INTS6: variants seen among roughly 807,000 people sequenced by gnomAD.
INTS6 encodes integrator complex subunit 6, also known as DEAD box protein.
A neutral mutation model predicts 104.9 loss-of-function variants in INTS6; 16 were observed. The observed-to-expected ratio is 0.15, with a 90% confidence interval of 0.10 to 0.23. The LOEUF is 0.23. Among genes scored for constraint, INTS6 ranks in the 10% least tolerant of loss-of-function variants. The pLI, the probability that INTS6 is intolerant of heterozygous loss-of-function variation, is 1.00. For synonymous variants in INTS6, 324 were observed against 358.7 expected, an observed-to-expected ratio of 0.90 and a Z score of 1.09; for missense variants, 584 against 1,062.8, an observed-to-expected ratio of 0.55 and a Z score of 6.26.
chr13:51,441,613 G>A (rs1207257215), intron 3 of INTS6: 2 of 151,992 alleles, frequency 1.3e-5, no homozygotes, highest in Non-Finnish European at 2.9e-5. Context: ...CCTAATACTG[G>A]TTGGCATACT....
At position 51,387,367 on chromosome 13, in the gene INTS6, T is replaced by TA; in HGVS notation, c.894+18dup. ...AGCTGAATGGTTACTATTACATAGT[T>TA]ACAGTCTCTGGTACTTACTAGTGTT... is the stretch of plus-strand genomic sequence containing the variant. On this transcript the variant is annotated intron_variant, in intron 7 of 17. Transcript: ENST00000311234. 6.3e-7 allele frequency: 1 copy of TA among 1,590,256 alleles called. No individual in the cohort carries two copies. Among genetic ancestry groups the TA allele is most frequent in the South Asian group, 1.1e-5 (1 of 87,334 alleles).
chr13:51,432,906 T>A (rs1319359927), intron 3 of INTS6, among the ~76,000 whole-genome samples: 2 of 152,200 alleles, frequency 1.3e-5, no homozygotes, highest in East Asian at 3.8e-4. Flanking sequence ...TATGTACACA[T>A]AACAATAAAT....
At chr13:51,425,678 C>G (rs910418576) in intron 4 of INTS6, among the ~76,000 whole-genome samples, 5 of 152,030 alleles carry the variant, frequency 3.3e-5, no homozygotes, top group Non-Finnish European at 7.4e-5. Context: ...AATCATAGTA[C>G]AGAATAGTTT....
At chr13:51,392,454 CT>C (rs1956260556) in intron 5 of INTS6, among the ~76,000 whole-genome samples, 1 of 151,004 alleles carries the variant, frequency 6.6e-6, no homozygotes, top group Non-Finnish European at 1.5e-5. Flanking sequence ...TATTTGGCCC[CT>C]GCCTACCTCT....
chr13:51,340,826 T>C, the INTS6 span: 2 of 544,082 alleles, frequency 3.7e-6, no homozygotes, highest in South Asian at 4.5e-5. Context: ...CCGAAGCAGA[T>C]CTTCAGACCC....
intron 4 of INTS6, among the ~76,000 whole-genome samples, chr13:51,412,291 T>C (rs1394421694): frequency 6.6e-6 from 1 of 152,214 alleles, no homozygotes; most frequent in East Asian, 1.9e-4. Context: ...TTTCATTATA[T>C]ATAAATTATA....
chr13:51,428,379 C>CA (rs1249571535), intron 4 of INTS6, among the ~76,000 whole-genome samples: 2 of 145,562 alleles, frequency 1.4e-5, no homozygotes, highest in Non-Finnish European at 3.0e-5. Context: ...GGCTGGAGTG[C>CA]AGTGGCACGG....
At chr13:51,369,441 G>A (rs1369557116) in intron 15 of INTS6, 131 bp from the exon 16 acceptor site, 1 of 886,492 alleles carries the variant, frequency 1.1e-6, no homozygotes, top group Middle Eastern at 2.8e-4. Context: ...CAAATAATGT[G>A]ATATAGTTTT....
At chr13:51,396,673 C>A (rs1386606302) in intron 4 of INTS6, among the ~76,000 whole-genome samples, 1 of 152,078 alleles carries the variant, frequency 6.6e-6, no homozygotes, top group Non-Finnish European at 1.5e-5. Flanking sequence ...GTTCTAACTA[C>A]CAGTTTGCAG....
At position 51,364,444 on chromosome 13, in the gene INTS6, T is replaced by C. The variant is rs1955646374; in HGVS notation, c.*1308A>G. 1 of 513,064 alleles carries C rather than the reference T, an allele frequency of 1.9e-6. No homozygotes were observed. The highest frequency in any genetic ancestry group is 3.4e-6 in the Non-Finnish European group (1 of 293,744). The allele number at this position is 513,064 out of a possible 1,614,324, so 31.8% of individuals were successfully genotyped here. On this transcript the variant is annotated 3_prime_UTR_variant, in exon 18 of 18. Coordinates refer to ENST00000311234, the MANE Select transcript of INTS6 (RefSeq NM_012141.3). ...AAAATACTTCAGTTTTTAAATGTTA[T>C]AAGTTTATTTTGCCTACTCTTAATC...
chr13:51,448,509 C>G (rs1041179191), intron 3 of INTS6: 1 of 152,144 alleles, frequency 6.6e-6, no homozygotes, highest in African/African-American at 2.4e-5. Context: ...TAATGCCCTG[C>G]AAATTCTGAT....
chr13:51,361,845 T>C lies in INTS6; in HGVS notation c.*3907A>G. ...ATTGAAAAGGTCTCGGATTCCTATT[T>C]TTAAAGCAGATCGGCCATTCATCTA... On this transcript the variant is annotated 3_prime_UTR_variant, in exon 18 of 18. Transcript: ENST00000311234. 6.2e-7 allele frequency: 1 copy of C among 1,611,224 alleles called. No individual in the cohort carries two copies. Among genetic ancestry groups the C allele is most frequent in the Non-Finnish European group, 8.5e-7 (1 of 1,178,560 alleles).
At chr13:51,451,486 A>C (rs772617790) in intron 2 of INTS6, 25 of 170,868 alleles carry the variant, frequency 1.5e-4, no homozygotes, top group Non-Finnish European at 2.7e-4. Context: ...AGCCGGACTT[A>C]GGAAGTTAAC....
intron 3 of INTS6, chr13:51,449,924 A>G: frequency 1.0e-6 from 1 of 985,172 alleles, no homozygotes; most frequent in Non-Finnish European, 1.2e-6. Context: ...TTCAGTGTAC[A>G]TTTTAAATGT....
At chr13:51,400,561 A>C (rs904091742) in intron 4 of INTS6, among the ~76,000 whole-genome samples, 2 of 152,180 alleles carry the variant, frequency 1.3e-5, no homozygotes, top group Non-Finnish European at 2.9e-5. Context: ...CATCCTTTCT[A>C]TGCTGCACTA....
At chr13:51,449,388 TG>T in intron 3 of INTS6, 1 of 808,510 alleles carries the variant, frequency 1.2e-6, no homozygotes, top group Non-Finnish European at 1.5e-6. Flanking sequence ...AAGTGTTCTC[TG>T]GGGGCAGATA....
chr13:51,426,120 T>C (rs949538978), intron 4 of INTS6, among the ~76,000 whole-genome samples: 18 of 152,114 alleles, frequency 1.2e-4, no homozygotes, highest in African/African-American at 2.7e-4. Context: ...AAGGATATAA[T>C]TGAAATCATA....
chr13:51,344,981 C>T, the INTS6 span, among the ~76,000 whole-genome samples: 2 of 152,238 alleles, frequency 1.3e-5, no homozygotes, highest in Non-Finnish European at 2.9e-5. Flanking sequence ...GACTTACAAA[C>T]AGCCTCGCTG....
At chr13:51,430,487 T>G (rs1212714651) in intron 3 of INTS6, 104 bp from the exon 4 acceptor site, 1 of 751,854 alleles carries the variant, frequency 1.3e-6, no homozygotes. Context: ...CTTTCTAGTT[T>G]CATTTTACAT....
Sources: allele counts gnomAD v4.1 joint callset (sites outside exome capture counted in the v4.1 genomes callset), GRCh38; gene constraint gnomAD v4.1.1; transcripts MANE v1.5; gene names NCBI Gene and HGNC (gene_info 2026-07-23, HGNC 2026-07-21).